Variants in PFKP observed in about 807,000 individuals in gnomAD.
PFKP encodes ATP-dependent 6-phosphofructokinase, platelet type.
Under a neutral mutation model 94.3 loss-of-function variants are expected in PFKP, and 101 were observed. The observed-to-expected ratio is 1.07, with a 90% CI of 0.91 to 1.26. The LOEUF is 1.26. Among genes scored for constraint, PFKP ranks in the 50% most tolerant of loss-of-function variants. The pLI is 0.00. For missense variants in PFKP, 1,145 were observed against 1,103.3 expected (o/e 1.04, Z -0.53); for synonymous variants, 573 against 432.6 (o/e 1.32, Z -4.03).
Position 3,119,913 on chromosome 10 carries a change from C to CT in PFKP, c.1553dup (p.Ser519ValfsTer83). Reference sequence around the variant, plus strand: ...ACAGGCCTACCTGGGACTCCTGGAGCTGTCAGCCGCCCGGGAGAAGCACGA... The same window carrying CT: ...ACAGGCCTACCTGGGACTCCTGGAGCTTGTCAGCCGCCCGGGAGAAGCACGA... On this transcript the variant is annotated frameshift_variant, in exon 16 of 22. Transcript: ENST00000381125. LOFTEE classifies it high-confidence loss of function. 6.2e-7 allele frequency: 1 copy of CT among 1,614,162 alleles called. No homozygotes were observed.
At chr10:3,135,211 A>T (rs1405379318) in intron 20 of PFKP, among the ~76,000 whole-genome samples, 2 of 150,744 alleles carry the variant, frequency 1.3e-5, no homozygotes, top group African/African-American at 2.4e-5. Context: ...CAGCTTTCTT[A>T]ATCAGTCATA....
At position 3,109,423 on chromosome 10, in the gene PFKP, C is replaced by T. The variant is rs371841817; in HGVS notation, c.1032C>T (p.Val344=). The T allele has an allele frequency of 3.3e-5, 53 of 1,609,448 alleles. No homozygotes were observed. Among genetic ancestry groups the T allele is most frequent in the Admixed American group, 2.2e-4 (13 of 59,988 alleles). ...LEATPDTPAC[V]VSLNGNHAVR... is the part of the protein sequence containing the mutation. ...CCACCCCGGACACCCCAGCTTGCGT[C>T]GTGTCACTGAACGGGAACCACGCCG... The change falls in exon 10 of 22, where the codon GTC becomes GTT. Residue 344 remains valine (V), a synonymous_variant. Transcript: ENST00000381125.
At chr10:3,133,351 T>A (rs368103850) in intron 19 of PFKP, 37 bp downstream of exon 19, 7 of 1,239,834 alleles carry the variant, frequency 5.6e-6, no homozygotes, top group Non-Finnish European at 8.3e-6. Flanking sequence ...ACAAAGCCCC[T>A]GTCATGTGAC....
intron 16 of PFKP, among the ~76,000 whole-genome samples, chr10:3,128,787 T>G (rs2131699145): frequency 6.6e-6 from 1 of 152,320 alleles, no homozygotes; most frequent in East Asian, 1.9e-4. Flanking sequence ...CATTCCCAGG[T>G]TCCAGGGATT....
chr10:3,125,244 G>A lies in PFKP; in HGVS notation c.1684-4575G>A, dbSNP rs767559523. 5.3e-6 allele frequency: 7 copies of A among 1,315,552 alleles called. No homozygotes were observed. The African/African-American group carries it at 1.1e-4, about 20-fold the overall frequency. The allele number at this position is 1,315,552 out of a possible 1,614,324, so 81.5% of individuals were successfully genotyped here. On this transcript the variant is annotated intron_variant, in intron 16 of 21. Transcript: ENST00000381125. Reference sequence around the variant, plus strand: ...CTCCGACACTGGCCTGAATGCTGTTGTTGAGGTAAGAGAACCCCGTTTCCT... The same window carrying A: ...CTCCGACACTGGCCTGAATGCTGTTATTGAGGTAAGAGAACCCCGTTTCCT...
At chr10:3,082,548 C>A in intron 2 of PFKP, 87 bp downstream of exon 2, 1 of 921,766 alleles carries the variant, frequency 1.1e-6, no homozygotes, top group Non-Finnish European at 1.7e-6. Context: ...CCCTGCCTCC[C>A]CCATGCTGAG....
intron 21 of PFKP, 118 bp downstream of exon 21, chr10:3,135,956 A>G: frequency 1.5e-6 from 1 of 665,996 alleles, no homozygotes; most frequent in South Asian, 1.8e-5. Flanking sequence ...GGCTTTTCTG[A>G]AGCTCAGTTA....
chr10:3,120,057 G>A lies in PFKP; in HGVS notation c.1683+13G>A. On this transcript the variant is annotated intron_variant, in intron 16 of 21. Coordinates refer to ENST00000381125, the MANE Select transcript of PFKP (RefSeq NM_002627.5). ...CACTATCACCGACGTAAGTCCGTGT[G>A]CGCCCTGCCAGGCGGGCGCCGGCTG... 1 of 1,613,392 alleles carries A rather than the reference G, an allele frequency of 6.2e-7. No individual in the cohort carries two copies.
At chr10:3,101,091 T>C (rs55882340) in intron 3 of PFKP, 2 of 1,058,814 alleles carry the variant, frequency 1.9e-6, no homozygotes, top group Non-Finnish European at 2.9e-6. Context: ...GGCTGGTTCC[T>C]GCTCCATGTA....
At chr10:3,073,540 C>T (rs1239927350) in intron 1 of PFKP, among the ~76,000 whole-genome samples, 1 of 151,846 alleles carries the variant, frequency 6.6e-6, no homozygotes, top group Non-Finnish European at 1.5e-5. Context: ...GAGCGGTTTG[C>T]AAATCGGGCA....
chr10:3,067,622 C>T lies in PFKP; in HGVS notation c.27C>T (p.Pro9=), dbSNP rs1285607085. 6.5e-7 allele frequency: 1 copy of T among 1,533,306 alleles called. No individual in the cohort carries two copies. Among genetic ancestry groups the T allele is most frequent in the Non-Finnish European group, 8.8e-7 (1 of 1,139,658 alleles). 95.0% of individuals were successfully genotyped at this position (1,533,306 alleles called of 1,614,324 possible). The change falls in exon 1 of 22, where the codon CCC becomes CCT. Residue 9 remains proline (P), a synonymous_variant. Coordinates refer to ENST00000381125, the MANE Select transcript of PFKP (RefSeq NM_002627.5). MDADDSRA[P]KGSLRKFLEH... is the part of the protein sequence containing the mutation. ...TGGACGCGGACGACTCCCGGGCCCC[C>T]AAGGGCTCCTTGCGGAAGTTCCTGG...
At chr10:3,099,171 A>G (rs1482049478) in intron 2 of PFKP, 104 bp from the exon 3 acceptor site, 27 of 876,372 alleles carry the variant, frequency 3.1e-5, no homozygotes, top group Non-Finnish European at 5.1e-5. Flanking sequence ...GATGCTGAGG[A>G]ACTGACATTC....
intron 4 of PFKP, among the ~76,000 whole-genome samples, chr10:3,103,097 G>GA (rs1234497619): frequency 6.6e-6 from 1 of 152,200 alleles, no homozygotes; most frequent in African/African-American, 2.4e-5. Context: ...GTGTGAAGAT[G>GA]GCCTAGTGTC....
At chr10:3,120,807 G>T (rs1008856834) in intron 16 of PFKP, among the ~76,000 whole-genome samples, 2 of 152,130 alleles carry the variant, frequency 1.3e-5, no homozygotes, top group Non-Finnish European at 2.9e-5. Flanking sequence ...CCACAGGCAT[G>T]TGCCACCATT....
At chr10:3,074,354 G>A (rs7074889) in intron 1 of PFKP, among the ~76,000 whole-genome samples, 14,030 of 152,238 alleles carry the variant, frequency 0.092, 685 homozygotes, top group African/African-American at 0.12. Context: ...CCTTTGACCT[G>A]ACCTGACAGT....
At chr10:3,070,699 A>G (rs1832115413) in intron 1 of PFKP, among the ~76,000 whole-genome samples, 1 of 152,114 alleles carries the variant, frequency 6.6e-6, no homozygotes. Flanking sequence ...TTGTGATAGG[A>G]GCAAAACAGA....
chr10:3,134,608 CAGCCTCGTGAT>C, intron 20 of PFKP, 26 bp downstream of exon 20: 2 of 1,452,892 alleles, frequency 1.4e-6, no homozygotes, highest in Non-Finnish European at 1.9e-6. Context: ...AGGGAGGCCA[CAGCCTCGTGAT>C]GCAGGCCGTC....
At chr10:3,113,791 A>AT (rs1307001955) in intron 13 of PFKP, among the ~76,000 whole-genome samples, 3 of 151,972 alleles carry the variant, frequency 2.0e-5, no homozygotes, top group Non-Finnish European at 4.4e-5. Context: ...TGGCCCTGAC[A>AT]TTAGGTGAGA....
At chr10:3,102,887 G>A (rs540180650) in intron 4 of PFKP, among the ~76,000 whole-genome samples, 9 of 152,322 alleles carry the variant, frequency 5.9e-5, no homozygotes, top group Non-Finnish European at 8.8e-5. Context: ...CACGGTTCCC[G>A]CTTGTCCACC....
Sources: allele counts gnomAD v4.1 joint callset (sites outside exome capture counted in the v4.1 genomes callset), GRCh38; gene constraint gnomAD v4.1.1; transcripts MANE v1.5; gene names NCBI Gene and HGNC (gene_info 2026-07-23, HGNC 2026-07-21).